Variants in AMZ1 observed in about 807,000 individuals in gnomAD.
AMZ1 encodes archaemetzincin-1.
In AMZ1, 39 loss-of-function variants were observed where a neutral mutation model predicts 29.9. That is an observed-to-expected ratio of 1.30 (90% CI 1.01 to 1.70). The LOEUF (loss-of-function observed/expected upper bound fraction) is 1.70, where lower values mean the gene tolerates loss of function less well. AMZ1 is among the 40% of genes most tolerant of loss of function. The probability of loss-of-function intolerance (pLI) is 0.00; values close to 1 mark genes in which losing one functional copy is unlikely to be tolerated. For missense variants in AMZ1, 1,041 were observed against 680.6 expected, an observed-to-expected ratio of 1.53 and a Z score of -5.89; for synonymous variants, 458 against 304.0, an observed-to-expected ratio of 1.51 and a Z score of -5.27.
intron 1 of AMZ1, 27 bp from the exon 2 acceptor site, chr7:2,700,207 G>A (rs1225985326): frequency 5.3e-6 from 3 of 562,176 alleles, no homozygotes; most frequent in Non-Finnish European, 9.5e-6. Context: ...TCGGCAGTGA[G>A]GGGACCCCTG....
downstream of AMZ1, among the ~76,000 whole-genome samples, chr7:2,721,667 G>T (rs970323397): frequency 2.0e-5 from 3 of 150,818 alleles, no homozygotes; most frequent in Non-Finnish European, 4.4e-5. Context: ...AGTGAGCCGA[G>T]ATCGCGACAC....
At chr7:2,709,327 C>A in intron 5 of AMZ1, 83 bp downstream of exon 5, 1 of 1,347,740 alleles carries the variant, frequency 7.4e-7, no homozygotes, top group East Asian at 2.5e-5. Flanking sequence ...TACACTGCCC[C>A]ATCCTCACAG....
intron 4 of AMZ1, among the ~76,000 whole-genome samples, chr7:2,743,365 T>A (rs997853991): frequency 6.6e-6 from 1 of 152,140 alleles, no homozygotes; most frequent in East Asian, 1.9e-4. Flanking sequence ...ACCCAAGATA[T>A]AATTAAATTA....
In AMZ1 at chr7:2,715,543, A is replaced by G. The variant is rs1182247390; in HGVS notation, c.*2665A>G. The stretch of plus-strand genomic sequence containing the variant: ...ACCCTCAGCTGTGATGTGTGTCCCA[A>G]AAAAGCGTTTTGAAGTGGGAAGGAG... On this transcript the variant is annotated 3_prime_UTR_variant, in exon 7 of 7. Transcript: ENST00000683327. 2 of 152,222 alleles carry G rather than the reference A, an allele frequency of 1.3e-5. No homozygotes were observed. The highest frequency in any genetic ancestry group is 6.5e-5 in the Admixed American group (1 of 15,284). The allele number at this position is 152,222 out of a possible 1,614,324, so 9.4% of individuals were successfully genotyped here. A position where few individuals can be genotyped will look rare whatever the true frequency, so the allele number is the denominator to read the frequency against.
At chr7:2,724,373 G>A (rs1228638648), downstream of AMZ1, among the ~76,000 whole-genome samples, 1 of 152,236 alleles carries the variant, frequency 6.6e-6, no homozygotes, top group Non-Finnish European at 1.5e-5. Context: ...CGTTCATTTG[G>A]GTGAAATGCA....
At chr7:2,729,580 T>C (rs1042108062) in intron 4 of AMZ1, 14 of 152,484 alleles carry the variant, frequency 9.2e-5, no homozygotes, top group African/African-American at 3.4e-4. Flanking sequence ...CCTCTTCTGC[T>C]TCTGCATCTG....
intron 2 of AMZ1, among the ~76,000 whole-genome samples, chr7:2,701,604 C>A (rs1285949843): frequency 6.6e-6 from 1 of 152,212 alleles, no homozygotes; most frequent in Non-Finnish European, 1.5e-5. Flanking sequence ...CAGCTCTGTG[C>A]CTCTCACATG....
rs999835892 is a variant in AMZ1, at chr7:2,731,555, C to T, written n.550+21739C>T. 1.5e-5 allele frequency: 24 copies of T among 1,610,476 alleles called. No homozygotes were observed. The highest frequency in any genetic ancestry group is 1.8e-5 in the Non-Finnish European group (21 of 1,177,510). On this transcript the variant is annotated intron_variant and non_coding_transcript_variant, in intron 4 of 4. Transcript: ENST00000489665. The surrounding 1 kb of genome is among the most constrained non-coding windows in gnomAD (Gnocchi z 6.0). The stretch of plus-strand genomic sequence containing the variant: ...CGCCTGTCCTCCATGAGGACCTGGT[C>T]GTACTCGCTGGAGGAGACCATGAAC...
intron 4 of AMZ1, chr7:2,730,654 T>G (rs903421545): frequency 3.3e-5 from 5 of 153,178 alleles, no homozygotes; most frequent in African/African-American, 4.8e-5. Flanking sequence ...CGGCTGGGGC[T>G]GCAGGGCCGG....
intron 4 of AMZ1, among the ~76,000 whole-genome samples, chr7:2,755,991 A>C (rs1791274562): frequency 6.6e-6 from 1 of 152,208 alleles, no homozygotes; most frequent in Admixed American, 6.5e-5. Flanking sequence ...TTATCTCTTC[A>C]AAACACCACA....
At chr7:2,691,905 C>A (rs1787412931) in intron 1 of AMZ1, among the ~76,000 whole-genome samples, 1 of 152,042 alleles carries the variant, frequency 6.6e-6, no homozygotes, top group Admixed American at 6.6e-5. Flanking sequence ...AGGCCCTGGG[C>A]TGCTCCAGAG....
chr7:2,684,900 GTC>G (rs1491505012), upstream of AMZ1, among the ~76,000 whole-genome samples: 1 of 146,692 alleles, frequency 6.8e-6, no homozygotes, highest in Non-Finnish European at 1.5e-5. Context: ...TTGAGACGGA[GTC>G]TCTGTCGCCC....
Position 2,739,065 on chromosome 7 carries a change from C to T in AMZ1, n.551-25647C>T, listed in dbSNP as rs143329128. 3.6e-3 allele frequency among the ~76,000 whole-genome samples: 554 copies of T among 152,304 alleles called. 2 individuals are homozygous for T. Among genetic ancestry groups the T allele is most frequent in the African/African-American group, 0.012 (514 of 41,560 alleles). ...CCTCTACAACTGTAAGCTCAGGCTC[C>T]GCAGGGTGTGTCCTCGGCGTGTGCA... On this transcript the variant is annotated intron_variant and non_coding_transcript_variant, in intron 4 of 4. Transcript: ENST00000489665.
rs1224824206 is a variant in AMZ1, at chr7:2,713,063, C to G, written c.*185C>G. On this transcript the variant is annotated 3_prime_UTR_variant, in exon 7 of 7. Coordinates refer to ENST00000683327, the MANE Select transcript of AMZ1 (RefSeq NM_001384743.1). ...GACCAGACTGGGCAACATGGTGAGACTCTGCCTCTACAAAAGAAAAATTAA... is the reference window on the plus strand; with the variant it reads ...GACCAGACTGGGCAACATGGTGAGAGTCTGCCTCTACAAAAGAAAAATTAA... 1 of 550,588 alleles carries G rather than the reference C, an allele frequency of 1.8e-6. No individual in the cohort carries two copies. 34.1% of individuals were successfully genotyped at this position (550,588 alleles called of 1,614,324 possible).
chr7:2,742,570 C>T (rs2115333056), intron 4 of AMZ1, among the ~76,000 whole-genome samples: 1 of 152,296 alleles, frequency 6.6e-6, no homozygotes, highest in South Asian at 2.1e-4. Context: ...CTTTGGTGCT[C>T]AAAGTGAAGA....
At chr7:2,732,593 C>T (rs182653771) in intron 4 of AMZ1, among the ~76,000 whole-genome samples, 64 of 152,236 alleles carry the variant, frequency 4.2e-4, no homozygotes, top group Admixed American at 6.5e-5. Flanking sequence ...AAACACCTCC[C>T]GTGATGAGTG....
intron 1 of AMZ1, among the ~76,000 whole-genome samples, chr7:2,698,577 C>T (rs1787873180): frequency 2.0e-5 from 3 of 151,944 alleles, no homozygotes; most frequent in Admixed American, 2.0e-4. Flanking sequence ...GGTCTGTGTG[C>T]AGTGGCTGAC....
At chr7:2,692,780 C>G (rs66620421) in intron 1 of AMZ1, among the ~76,000 whole-genome samples, 1 of 151,908 alleles carries the variant, frequency 6.6e-6, no homozygotes, top group Non-Finnish European at 1.5e-5. Context: ...CCCACCTCAC[C>G]CAGAGCAAAG....
intron 4 of AMZ1, among the ~76,000 whole-genome samples, chr7:2,751,076 GA>G (rs900169827): frequency 1.3e-5 from 2 of 152,178 alleles, no homozygotes; most frequent in African/African-American, 4.8e-5. Context: ...ATTTCGGGGA[GA>G]AATCTGTTGC....
Sources: gnomAD v4.1 joint callset for allele counts (sites outside exome capture counted in the v4.1 genomes callset) on GRCh38, gnomAD v4.1.1 for gene constraint, Gnocchi (gnomAD v3.1) non-coding constraint, MANE v1.5 for transcripts, NCBI Gene and HGNC (gene_info 2026-07-23, HGNC 2026-07-21) for gene names.